The following GABRG3 variants were observed in gnomAD, a reference collection of about 807,000 sequenced individuals.
GABRG3 encodes gamma-aminobutyric acid receptor subunit gamma-3.
In GABRG3, 25 loss-of-function variants were observed where a neutral mutation model predicts 48.8. The ratio of observed to expected loss-of-function variants is 0.51; its 90% CI spans 0.37 to 0.72. The LOEUF is 0.72. Among genes scored for constraint, GABRG3 ranks in the 30% least tolerant of loss-of-function variants. The probability of loss-of-function intolerance (pLI) is 0.00; values close to 1 mark genes in which losing one functional copy is unlikely to be tolerated. For missense variants in GABRG3, 394 were observed against 577.9 expected (o/e 0.68, Z 3.26); for synonymous variants, 227 against 217.6 (o/e 1.04, Z -0.38).
chr15:27,453,687 C>T (rs950627010), intron 5 of GABRG3, among the ~76,000 whole-genome samples: 3 of 152,156 alleles, frequency 2.0e-5, no homozygotes, highest in Non-Finnish European at 4.4e-5. Flanking sequence ...CTGCAACCTC[C>T]ACCTCCCAGA....
intron 3 of GABRG3, among the ~76,000 whole-genome samples, chr15:27,252,298 C>T (rs997833198): frequency 6.6e-6 from 1 of 152,162 alleles, no homozygotes; most frequent in Non-Finnish European, 1.5e-5. Context: ...AACTGGCCCC[C>T]GGTGTCTGGC....
At chr15:27,247,257 C>T (rs749457869) in intron 3 of GABRG3, among the ~76,000 whole-genome samples, 68 of 152,114 alleles carry the variant, frequency 4.5e-4, no homozygotes, top group East Asian at 5.9e-4. Context: ...CTTTAAAACC[C>T]CCTCATAGAG....
At chr15:27,004,057 G>T (rs1180952796) in intron 2 of GABRG3, among the ~76,000 whole-genome samples, 1 of 149,314 alleles carries the variant, frequency 6.7e-6, no homozygotes, top group Non-Finnish European at 1.5e-5. Context: ...CCCGGACGGG[G>T]CGGCTGACCC....
At chr15:27,391,867 A>G (rs1043837949) in intron 5 of GABRG3, among the ~76,000 whole-genome samples, 2 of 152,184 alleles carry the variant, frequency 1.3e-5, no homozygotes, top group African/African-American at 4.8e-5. Context: ...CTCAATCAGC[A>G]TGAACTTAGG....
chr15:27,049,550 A>G (rs1231317967), intron 3 of GABRG3, among the ~76,000 whole-genome samples: 3 of 152,182 alleles, frequency 2.0e-5, no homozygotes, highest in Admixed American at 1.3e-4. Context: ...CAGGGATGCC[A>G]GTGATCATGG....
chr15:27,386,017 C>T (rs1296719791), intron 5 of GABRG3, among the ~76,000 whole-genome samples: 10 of 152,224 alleles, frequency 6.6e-5, no homozygotes, highest in East Asian at 1.9e-4. Flanking sequence ...CTGATATCCC[C>T]GGGCTGTGTT....
intron 5 of GABRG3, among the ~76,000 whole-genome samples, chr15:27,385,734 C>T (rs1346557981): frequency 6.6e-6 from 1 of 152,096 alleles, no homozygotes; most frequent in Non-Finnish European, 1.5e-5. Context: ...TTTTATCATT[C>T]TGTTCTATAT....
At chr15:27,362,427 G>A (rs985193298) in intron 5 of GABRG3, 1 of 152,170 alleles carries the variant, frequency 6.6e-6, no homozygotes, top group African/African-American at 2.4e-5. Context: ...TGGTGCTGAG[G>A]TTTGAATCAG....
At chr15:27,045,648 A>G (rs937768618) in intron 3 of GABRG3, among the ~76,000 whole-genome samples, 1 of 152,186 alleles carries the variant, frequency 6.6e-6, no homozygotes, top group Non-Finnish European at 1.5e-5. Context: ...AAGCAGGTGC[A>G]CACTCATGGA....
chr15:27,532,727 T>G lies in GABRG3; in HGVS notation c.1250T>G (p.Phe417Cys), dbSNP rs2150866981. 6.2e-7 allele frequency: 1 copy of G among 1,614,044 alleles called. No individual in the cohort carries two copies. Residue 417 changes from phenylalanine to cysteine, a missense_variant, in exon 10 of 10, where the codon TTC becomes TGC. Coordinates refer to ENST00000615808, the MANE Select transcript of GABRG3 (RefSeq NM_033223.5). ...CTGGATGGCAAAGACTGTCAGAGCT[T>G]CTTCTGCTGCTATGAAGAATGTAAA... ...ECLDGKDCQSFFCCYEECKSG... is the reference protein window; with the variant it reads ...ECLDGKDCQSCFCCYEECKSG...
chr15:27,504,427 A>G (rs1452734545), intron 6 of GABRG3, among the ~76,000 whole-genome samples: 1 of 152,106 alleles, frequency 6.6e-6, no homozygotes, highest in Non-Finnish European at 1.5e-5. Flanking sequence ...TACATCTTGA[A>G]CTTACCACAG....
intron 3 of GABRG3, among the ~76,000 whole-genome samples, chr15:27,266,316 C>T (rs1395569026): frequency 6.6e-6 from 1 of 151,068 alleles, no homozygotes; most frequent in Non-Finnish European, 1.5e-5. Flanking sequence ...TCCCATCTTT[C>T]AGTACTTTAT....
At chr15:27,423,509 A>G (rs1054951527) in intron 5 of GABRG3, among the ~76,000 whole-genome samples, 1 of 150,726 alleles carries the variant, frequency 6.6e-6, no homozygotes, top group Non-Finnish European at 1.5e-5. Flanking sequence ...AATTTGAGCA[A>G]TCCATTTACT....
intron 3 of GABRG3, among the ~76,000 whole-genome samples, chr15:27,293,317 A>G (rs1891856119): frequency 6.6e-6 from 1 of 152,206 alleles, no homozygotes; most frequent in South Asian, 2.1e-4. Flanking sequence ...ATAAAAAAGA[A>G]AAAATATAAT....
At chr15:27,413,172 A>G (rs1887847244) in intron 5 of GABRG3, among the ~76,000 whole-genome samples, 1 of 152,226 alleles carries the variant, frequency 6.6e-6, no homozygotes, top group African/African-American at 2.4e-5. Context: ...AGTGTTTAAA[A>G]AAAGTTTTAT....
intron 2 of GABRG3, among the ~76,000 whole-genome samples, chr15:26,981,650 A>G (rs903932391): frequency 2.6e-5 from 4 of 152,202 alleles, no homozygotes; most frequent in African/African-American, 9.6e-5. Flanking sequence ...GAAGTGGCAC[A>G]TACAATTGCT....
chr15:27,532,096 T>C (rs892768882), intron 9 of GABRG3, among the ~76,000 whole-genome samples: 1 of 152,200 alleles, frequency 6.6e-6, no homozygotes, highest in Non-Finnish European at 1.5e-5. Flanking sequence ...CACTTCAATA[T>C]ACATACTGTT....
In GABRG3 at chr15:27,454,453, A is replaced by G. The variant is rs548327266; in HGVS notation, c.575-26197A>G. ...TAACGTTGCTTCTAAACTGAAAAAC[A>G]TGGTAGAAAGGTCATTGACCACCCT... is the stretch of plus-strand genomic sequence containing the variant. On this transcript the variant is annotated intron_variant, in intron 5 of 9. Coordinates refer to ENST00000615808, the MANE Select transcript of GABRG3 (RefSeq NM_033223.5). Among the ~76,000 whole-genome samples, 4 of 152,200 alleles carry G rather than the reference A, an allele frequency of 2.6e-5. No individual in the cohort carries two copies. The East Asian group carries it at 5.8e-4, about 22-fold the overall frequency.
At chr15:27,308,737 G>A (rs1393143539) in intron 3 of GABRG3, among the ~76,000 whole-genome samples, 3 of 148,470 alleles carry the variant, frequency 2.0e-5, no homozygotes, top group South Asian at 2.2e-4. Context: ...GTAAACATAC[G>A]TTTATATGTA....
Sources: allele counts gnomAD v4.1 joint callset (sites outside exome capture counted in the v4.1 genomes callset), GRCh38; gene constraint gnomAD v4.1.1; transcripts MANE v1.5; gene names NCBI Gene and HGNC (gene_info 2026-07-23, HGNC 2026-07-21).